Variants in SYNJ2 observed in about 807,000 individuals in gnomAD.
SYNJ2 encodes polyphosphatidylinositol phosphatase SYNJ2.
Under a neutral mutation model 141.3 loss-of-function variants are expected in SYNJ2, and 116 were observed. The observed-to-expected ratio is 0.82, with a 90% CI of 0.71 to 0.96. The LOEUF (loss-of-function observed/expected upper bound fraction) is 0.96, where lower values mean the gene tolerates loss of function less well. Ranked by LOEUF, SYNJ2 falls within the 40% of genes least tolerant of loss-of-function variation. SYNJ2 has a pLI of 0.00. For missense variants in SYNJ2, 1,873 were observed against 1,934.8 expected (o/e 0.97, Z 0.60); for synonymous variants, 745 against 777.7 (o/e 0.96, Z 0.70).
At chr6:157,985,517 C>T (rs555835926) in intron 1 of SYNJ2, among the ~76,000 whole-genome samples, 7 of 152,300 alleles carry the variant, frequency 4.6e-5, no homozygotes, top group South Asian at 2.1e-4. Flanking sequence ...TGGGAAGCCC[C>T]GTAGCCGGTA....
intron 2 of SYNJ2, among the ~76,000 whole-genome samples, chr6:158,025,101 T>C (rs1162361578): frequency 6.6e-6 from 1 of 152,210 alleles, no homozygotes; most frequent in Non-Finnish European, 1.5e-5. Context: ...TTCTGGAGGC[T>C]GGAAGTCCGA....
intron 1 of SYNJ2, chr6:158,001,099 CG>C (rs1377144328): frequency 1.4e-5 from 2 of 138,190 alleles, no homozygotes; most frequent in Admixed American, 1.4e-4. Context: ...CACCTGTCCG[CG>C]GTATCCCCAG....
chr6:157,996,468 C>G (rs77874521), intron 1 of SYNJ2, among the ~76,000 whole-genome samples: 1,532 of 152,242 alleles, frequency 0.01, 22 homozygotes, highest in African/African-American at 0.033. Context: ...GCCTCTTTCT[C>G]CACCCTCATC....
chr6:158,070,535 G>T lies in SYNJ2; in HGVS notation c.1940+862G>T. The T allele has an allele frequency of 1.0e-6, 1 of 983,996 alleles. No individual in the cohort carries two copies. The highest frequency in any genetic ancestry group is 1.2e-6 in the Non-Finnish European group (1 of 828,648). 61.0% of individuals were successfully genotyped at this position (983,996 alleles called of 1,614,324 possible). On this transcript the variant is annotated intron_variant, in intron 14 of 26. Coordinates refer to ENST00000355585, the MANE Select transcript of SYNJ2 (RefSeq NM_003898.4). This position sits in a 1 kb window ranked among gnomAD's most constrained non-coding sequence, Gnocchi z 4.0. The stretch of plus-strand genomic sequence containing the variant: ...AGTAAAGGTTAAAGGCAAGGGCGGG[G>T]TGAGGGTGAGAGGTAAAGCATTTGA...
intron 18 of SYNJ2, 124 bp downstream of exon 18, chr6:158,078,405 A>G (rs1434558421): frequency 1.6e-6 from 1 of 644,856 alleles, no homozygotes; most frequent in African/African-American, 1.8e-5. Flanking sequence ...TTTTGTGTGC[A>G]TACAATACAC....
chr6:158,050,330 A>C (rs1780498602), intron 5 of SYNJ2, among the ~76,000 whole-genome samples: 1 of 152,238 alleles, frequency 6.6e-6, no homozygotes, highest in Admixed American at 6.5e-5. Context: ...ATTTCTAACA[A>C]GCACCCAGAG....
At chr6:158,078,054 G>T in intron 17 of SYNJ2, 110 bp from the exon 18 acceptor site, 1 of 661,264 alleles carries the variant, frequency 1.5e-6, no homozygotes. Flanking sequence ...ATGAGTCTGG[G>T]ACGTGGGGTG....
chr6:157,994,692 A>G (rs1777576919), intron 1 of SYNJ2, among the ~76,000 whole-genome samples: 1 of 152,244 alleles, frequency 6.6e-6, no homozygotes, highest in Non-Finnish European at 1.5e-5. Flanking sequence ...TTCAAAGGGC[A>G]TCTGCCACGC....
intron 2 of SYNJ2, 99 bp from the exon 3 acceptor site, chr6:158,028,657 C>T: frequency 2.0e-6 from 3 of 1,513,786 alleles, no homozygotes; most frequent in Non-Finnish European, 2.7e-6. Context: ...ACGTTGCCTT[C>T]CTGGCTGCGG....
rs537153547 is a variant in SYNJ2 at position 158,070,619 on chromosome 6, G to A, written c.1940+946G>A. ...CCAGGCTCGGTGTCCTCGGCTTCACGTGCCTTTAGCCCTGAGCTGCTTCCG... is the reference window on the plus strand; with the variant it reads ...CCAGGCTCGGTGTCCTCGGCTTCACATGCCTTTAGCCCTGAGCTGCTTCCG... On this transcript the variant is annotated intron_variant, in intron 14 of 26. Transcript: ENST00000355585. This position sits in a 1 kb window ranked among gnomAD's most constrained non-coding sequence, Gnocchi z 4.0. The A allele has an allele frequency of 4.2e-4, 243 of 580,464 alleles. No individual in the cohort carries two copies. Among genetic ancestry groups the A allele is most frequent in the Non-Finnish European group, 5.0e-4 (232 of 460,582 alleles). The allele number at this position is 580,464 out of a possible 1,614,324, so 36.0% of individuals were successfully genotyped here.
At position 158,056,047 on chromosome 6, in the gene SYNJ2, G is replaced by C. The variant is rs78530135; in HGVS notation, c.857+1019G>C. On this transcript the variant is annotated intron_variant, in intron 6 of 26. Coordinates refer to ENST00000355585, the MANE Select transcript of SYNJ2 (RefSeq NM_003898.4). ...CTGAGCTTGGTGGCTCAGATTTTAG[G>C]GAGTCGCCTGGGTGACAGAGCGAGA... Among the ~76,000 whole-genome samples the C allele has an allele frequency of 6.3e-3, 957 of 152,140 alleles. 9 individuals carry two copies. The highest frequency in any genetic ancestry group is 0.022 in the African/African-American group (901 of 41,502).
chr6:157,997,236 C>T (rs1283559834), intron 1 of SYNJ2, among the ~76,000 whole-genome samples: 6 of 152,150 alleles, frequency 3.9e-5, no homozygotes, highest in Admixed American at 3.9e-4. Flanking sequence ...GAATTGTGTG[C>T]CCCAGAAAAA....
intron 1 of SYNJ2, among the ~76,000 whole-genome samples, chr6:157,999,004 A>T (rs1295728416): frequency 1.3e-5 from 2 of 152,248 alleles, no homozygotes; most frequent in Non-Finnish European, 2.9e-5. Context: ...GACAAGCAAC[A>T]GCCCAGAAGG....
chr6:158,090,425 G>T (rs1488599822), intron 25 of SYNJ2, among the ~76,000 whole-genome samples: 1 of 151,916 alleles, frequency 6.6e-6, no homozygotes, highest in Non-Finnish European at 1.5e-5. Flanking sequence ...TAGTTACCTT[G>T]GGCTCTCCCC....
chr6:157,990,459 C>G (rs1175360557), intron 1 of SYNJ2, among the ~76,000 whole-genome samples: 1 of 152,152 alleles, frequency 6.6e-6, no homozygotes, highest in Non-Finnish European at 1.5e-5. Flanking sequence ...TTCATCACAG[C>G]TGCTAGGAAA....
Position 158,090,420 on chromosome 6 carries a change from A to T in SYNJ2, c.3565+473A>T, listed in dbSNP as rs986490182. ...TGCTGTTACTTAAACCATGTTAGTTACCTTGGGCTCTCCCCCACTTCATTC... is the reference window on the plus strand; with the variant it reads ...TGCTGTTACTTAAACCATGTTAGTTTCCTTGGGCTCTCCCCCACTTCATTC... On this transcript the variant is annotated intron_variant, in intron 25 of 26. Transcript: ENST00000355585. 3.3e-5 allele frequency among the ~76,000 whole-genome samples: 5 copies of T among 151,606 alleles called. No homozygotes were observed. In the South Asian group the frequency reaches 6.2e-4, roughly 19 times the overall value.
chr6:158,074,731 G>C lies in SYNJ2; in HGVS notation c.2285G>C (p.Ser762Thr). The change falls in exon 16 of 27, where the codon AGT (serine) becomes ACT (threonine). Residue 762 changes from serine to threonine, a missense_variant. By Grantham distance (58) the Ser-to-Thr change is moderately conservative (BLOSUM62 1). Coordinates refer to ENST00000355585, the MANE Select transcript of SYNJ2 (RefSeq NM_003898.4). ...GATCAACTACAGCTACAGAAATCAA[G>C]TGGAAAAGTAAGTTGTGCTTTAAAA... ...EFDQLQLQKS[S>T]GKIFKDFHEG... 1 of 1,611,784 alleles carries C rather than the reference G, an allele frequency of 6.2e-7. No individual in the cohort carries two copies. Among genetic ancestry groups the C allele is most frequent in the Non-Finnish European group, 8.5e-7 (1 of 1,179,552 alleles).
chr6:157,984,980 G>T (rs771915454), intron 1 of SYNJ2, among the ~76,000 whole-genome samples: 1 of 152,194 alleles, frequency 6.6e-6, no homozygotes, highest in African/African-American at 2.4e-5. Context: ...ATCCTGCTCC[G>T]CTGCGGATGC....
At chr6:158,073,978 C>T (rs1053674912) in intron 15 of SYNJ2, among the ~76,000 whole-genome samples, 4 of 151,570 alleles carry the variant, frequency 2.6e-5, no homozygotes, top group African/African-American at 9.7e-5. Flanking sequence ...CCCTTGCGGA[C>T]AGTTGATCCA....
Sources: allele counts gnomAD v4.1 joint callset (sites outside exome capture counted in the v4.1 genomes callset), GRCh38; gene constraint gnomAD v4.1.1; non-coding constraint Gnocchi (gnomAD v3.1); transcripts MANE v1.5; gene names NCBI Gene and HGNC (gene_info 2026-07-23, HGNC 2026-07-21).